The following PCDHA3 variants were observed in gnomAD, a reference collection of about 807,000 sequenced individuals.
PCDHA3 encodes the protein protocadherin alpha 3, also known as protocadherin alpha-3.
A neutral mutation model predicts 62.2 loss-of-function variants in PCDHA3; 41 were observed. The ratio of observed to expected loss-of-function variants is 0.66; its 90% CI spans 0.51 to 0.86. The LOEUF is 0.86. Among genes scored for constraint, PCDHA3 ranks in the 40% least tolerant of loss-of-function variants. The pLI, the probability that PCDHA3 is intolerant of heterozygous loss-of-function variation, is 0.00. For synonymous variants in PCDHA3, 640 were observed against 555.4 expected, an observed-to-expected ratio of 1.15 and a Z score of -2.14; for missense variants, 1,304 against 1,241.2, an observed-to-expected ratio of 1.05 and a Z score of -0.76.
chr5:140,830,379 G>A (rs2150185796), intron 1 of PCDHA3: 3 of 1,614,156 alleles, frequency 1.9e-6, no homozygotes, highest in Non-Finnish European at 1.7e-6. Flanking sequence ...TCCGGGGAGG[G>A]CCCACCCAAG....
At chr5:140,925,826 G>T (rs1284588733) in intron 1 of PCDHA3, among the ~76,000 whole-genome samples, 3 of 152,066 alleles carry the variant, frequency 2.0e-5, no homozygotes, top group Non-Finnish European at 2.9e-5. Flanking sequence ...CTTCTTTGGG[G>T]ACGGGTCGTC....
chr5:141,007,517 G>A (rs2098333696), intron 3 of PCDHA3, among the ~76,000 whole-genome samples: 1 of 151,984 alleles, frequency 6.6e-6, no homozygotes, highest in African/African-American at 2.4e-5. Flanking sequence ...GCAGTGAGCT[G>A]ATATCTCGCC....
At chr5:140,877,535 A>T in intron 1 of PCDHA3, 1 of 1,613,750 alleles carries the variant, frequency 6.2e-7, no homozygotes, top group Admixed American at 1.7e-5. Flanking sequence ...GGCGCTGTGG[A>T]TCCCGAAGCG....
intron 1 of PCDHA3, among the ~76,000 whole-genome samples, chr5:140,898,157 G>T (rs1455235992): frequency 2.6e-5 from 4 of 152,162 alleles, no homozygotes; most frequent in African/African-American, 7.2e-5. Flanking sequence ...CACGCTGATG[G>T]TGGTTTCTTT....
intron 1 of PCDHA3, among the ~76,000 whole-genome samples, chr5:140,880,397 A>C (rs1420314604): frequency 6.6e-6 from 1 of 152,246 alleles, no homozygotes; most frequent in Non-Finnish European, 1.5e-5. Context: ...TTTTAAGAGC[A>C]TATGGTTGAC....
chr5:140,858,415 T>C lies in PCDHA3; in HGVS notation c.2394+54824T>C. Reference sequence around the variant, plus strand: ...ATGTGGACGGGGAAGATCAGTCTATTGGAGGGGACCACTCTAGGAAGGTGG... The same window carrying C: ...ATGTGGACGGGGAAGATCAGTCTATCGGAGGGGACCACTCTAGGAAGGTGG... On this transcript the variant is annotated intron_variant, in intron 1 of 3. Transcript: ENST00000522353. 1.9e-6 allele frequency: 3 copies of C among 1,561,830 alleles called. 1 individual carries two copies. The highest frequency in any genetic ancestry group is 2.6e-6 in the Non-Finnish European group (3 of 1,145,536).
intron 1 of PCDHA3, among the ~76,000 whole-genome samples, chr5:140,880,655 G>A (rs782616371): frequency 6.6e-6 from 1 of 152,186 alleles, no homozygotes; most frequent in African/African-American, 2.4e-5. Context: ...CCCAACTGAG[G>A]TAAAGGTGAG....
intron 1 of PCDHA3, chr5:140,967,767 A>G (rs782195052): frequency 1.2e-6 from 2 of 1,614,216 alleles, no homozygotes; most frequent in East Asian, 2.2e-5. Context: ...TACCAGATCT[A>G]TGTGCAGGCG....
At chr5:140,863,360 G>T in intron 1 of PCDHA3, 1 of 1,206,130 alleles carries the variant, frequency 8.3e-7, no homozygotes, top group Non-Finnish European at 1.2e-6. Context: ...ACGCTGCGGT[G>T]CTTGGCGCAG....
chr5:140,930,768 C>G (rs1049798577), intron 1 of PCDHA3, among the ~76,000 whole-genome samples: 2 of 152,094 alleles, frequency 1.3e-5, no homozygotes, highest in South Asian at 2.1e-4. Context: ...ATTTTCTGTA[C>G]TTAATATTTT....
chr5:140,847,542 C>T (rs1442885551), intron 1 of PCDHA3: 1 of 149,324 alleles, frequency 6.7e-6, no homozygotes, highest in African/African-American at 2.5e-5. Flanking sequence ...TCAAGCATAG[C>T]TTTAAAAACA....
At chr5:140,869,286 G>A in intron 1 of PCDHA3, 2 of 1,613,616 alleles carry the variant, frequency 1.2e-6, no homozygotes, top group Non-Finnish European at 1.7e-6. Context: ...AGCTGGTGCA[G>A]CGCCTGTTCC....
intron 1 of PCDHA3, chr5:140,867,194 C>T (rs185502341): frequency 1.6e-3 from 248 of 152,260 alleles, no homozygotes; most frequent in African/African-American, 5.7e-3. Context: ...CAAGACTCCA[C>T]ATTCCATGTA....
intron 1 of PCDHA3, chr5:140,807,875 A>C: frequency 6.2e-7 from 1 of 1,614,190 alleles, no homozygotes; most frequent in Non-Finnish European, 8.5e-7. Context: ...TCAGTTACTC[A>C]TCACAGTACT....
chr5:140,882,891 A>C, intron 1 of PCDHA3: 1 of 1,614,230 alleles, frequency 6.2e-7, no homozygotes, highest in East Asian at 2.2e-5. Flanking sequence ...ATTCAGGAAC[A>C]TAGTTTATTA....
At chr5:140,912,061 C>T (rs1321149990) in intron 1 of PCDHA3, among the ~76,000 whole-genome samples, 2 of 152,162 alleles carry the variant, frequency 1.3e-5, no homozygotes, top group Non-Finnish European at 2.9e-5. Context: ...AACTTGGAGT[C>T]CAATGTTCAA....
At chr5:140,825,240 T>C (rs968965220) in intron 1 of PCDHA3, 1 of 151,592 alleles carries the variant, frequency 6.6e-6, no homozygotes, top group Non-Finnish European at 1.5e-5. Flanking sequence ...TCTGGATCTA[T>C]GGTGTTCCAT....
At chr5:140,814,460 T>C in intron 1 of PCDHA3, 1 of 152,138 alleles carries the variant, frequency 6.6e-6, no homozygotes, top group East Asian at 1.9e-4. Flanking sequence ...TTTTTTTTTT[T>C]TGAGTTAATG....
chr5:140,958,077 A>G (rs2095408004), intron 1 of PCDHA3, among the ~76,000 whole-genome samples: 2 of 152,124 alleles, frequency 1.3e-5, no homozygotes, highest in South Asian at 4.1e-4. Flanking sequence ...AGAAGCAAAA[A>G]GTAAAGTTGT....
Sources: allele counts gnomAD v4.1 joint callset (sites outside exome capture counted in the v4.1 genomes callset), GRCh38; gene constraint gnomAD v4.1.1; transcripts MANE v1.5; gene names NCBI Gene and HGNC (gene_info 2026-07-23, HGNC 2026-07-21).